Variants in NSMCE2 observed in about 807,000 individuals in gnomAD.
NSMCE2 encodes the protein NSE2 SUMO ligase component of SMC5/6 complex, also known as E3 SUMO-protein ligase NSE2.
NSMCE2 carries 24 observed loss-of-function variants against 23.8 expected under a neutral mutation model. The ratio of observed to expected loss-of-function variants is 1.01; its 90% confidence interval spans 0.73 to 1.42. NSMCE2 has a LOEUF of 1.42. NSMCE2 is among the 40% of genes most tolerant of loss of function. NSMCE2 has a pLI of 0.00. For missense variants in NSMCE2, 284 were observed against 296.5 expected (o/e 0.96, Z 0.31); for synonymous variants, 92 against 94.1 (o/e 0.98, Z 0.13).
chr8:125,341,226 A>C (rs1276994937), intron 5 of NSMCE2, among the ~76,000 whole-genome samples: 1 of 152,224 alleles, frequency 6.6e-6, no homozygotes, highest in Non-Finnish European at 1.5e-5. Flanking sequence ...TACCTACTGC[A>C]AGACCCAGAT....
chr8:125,144,051 G>A (rs1258492387), intron 3 of NSMCE2, among the ~76,000 whole-genome samples: 1 of 152,182 alleles, frequency 6.6e-6, no homozygotes, highest in Non-Finnish European at 1.5e-5. Context: ...GGAAAAGAGG[G>A]GGGGAAAGTC....
At chr8:125,169,661 C>T (rs1257681598) in intron 4 of NSMCE2, among the ~76,000 whole-genome samples, 1 of 152,176 alleles carries the variant, frequency 6.6e-6, no homozygotes, top group African/African-American at 2.4e-5. Flanking sequence ...ACACTGGCTG[C>T]ACACAGTTGC....
intron 5 of NSMCE2, among the ~76,000 whole-genome samples, chr8:125,189,805 A>G (rs1823263758): frequency 6.6e-6 from 1 of 152,198 alleles, no homozygotes; most frequent in African/African-American, 2.4e-5. Flanking sequence ...TGTGTATATA[A>G]CCCTTTACAA....
chr8:125,112,723 T>C (rs1010458181), intron 3 of NSMCE2, among the ~76,000 whole-genome samples: 1 of 152,130 alleles, frequency 6.6e-6, no homozygotes, highest in Non-Finnish European at 1.5e-5. Flanking sequence ...AGAATGATGG[T>C]TACCAAGGGA....
chr8:125,309,682 G>A (rs1276199187), intron 5 of NSMCE2, among the ~76,000 whole-genome samples: 3 of 152,004 alleles, frequency 2.0e-5, no homozygotes, highest in African/African-American at 7.3e-5. Context: ...CTATGATCAC[G>A]CCAGTGCACT....
At chr8:125,123,935 A>C (rs563201135) in intron 3 of NSMCE2, among the ~76,000 whole-genome samples, 1 of 152,282 alleles carries the variant, frequency 6.6e-6, no homozygotes, top group South Asian at 2.1e-4. Flanking sequence ...TAAAATGTAC[A>C]ATTTTGTGGT....
At chr8:125,320,233 A>AGGGAAGGAAGGG (rs1280474045) in intron 5 of NSMCE2, among the ~76,000 whole-genome samples, 1 of 20,418 alleles carries the variant, frequency 4.9e-5, no homozygotes, top group African/African-American at 1.2e-4. Context: ...GGAGGGAGGG[A>AGGGAAGGAAGGG]AGGGAGGGAG....
intron 5 of NSMCE2, among the ~76,000 whole-genome samples, chr8:125,300,062 A>C (rs567638235): frequency 4.0e-5 from 6 of 150,160 alleles, no homozygotes; most frequent in Non-Finnish European, 5.9e-5. Flanking sequence ...CAGGTGATTC[A>C]TCTGCCTTGG....
At chr8:125,140,401 G>A (rs987623658) in intron 3 of NSMCE2, among the ~76,000 whole-genome samples, 1 of 152,116 alleles carries the variant, frequency 6.6e-6, no homozygotes, top group Non-Finnish European at 1.5e-5. Flanking sequence ...AGTGGCTCAC[G>A]CCTGTAATCC....
At chr8:125,324,569 A>ATT (rs1292496751) in intron 5 of NSMCE2, among the ~76,000 whole-genome samples, 4 of 94,196 alleles carry the variant, frequency 4.2e-5, no homozygotes, top group Admixed American at 1.4e-4. Context: ...TTTTGATAAA[A>ATT]TTCTTTTTTT....
At chr8:125,157,955 T>TA (rs1467719126) in intron 4 of NSMCE2, among the ~76,000 whole-genome samples, 1 of 152,212 alleles carries the variant, frequency 6.6e-6, no homozygotes, top group Non-Finnish European at 1.5e-5. Flanking sequence ...AGAATTTCCT[T>TA]AAAGACTCCA....
At chr8:125,142,077 G>T (rs1820402132) in intron 3 of NSMCE2, among the ~76,000 whole-genome samples, 1 of 152,036 alleles carries the variant, frequency 6.6e-6, no homozygotes, top group South Asian at 2.1e-4. Flanking sequence ...GCTACCTTTT[G>T]GTTCCAAAGG....
At chr8:125,286,335 T>C (rs774800229) in intron 5 of NSMCE2, among the ~76,000 whole-genome samples, 7 of 148,344 alleles carry the variant, frequency 4.7e-5, no homozygotes, top group Non-Finnish European at 8.9e-5. Flanking sequence ...TTTTTTGAGA[T>C]GGAGTCTCGC....
intron 3 of NSMCE2, among the ~76,000 whole-genome samples, chr8:125,110,130 A>G (rs1293954599): frequency 6.6e-6 from 1 of 151,146 alleles, no homozygotes. Context: ...GATGTAAACT[A>G]CATCTTTGTA....
At chr8:125,335,286 C>A (rs1188526387) in intron 5 of NSMCE2, among the ~76,000 whole-genome samples, 1 of 152,172 alleles carries the variant, frequency 6.6e-6, no homozygotes, top group Non-Finnish European at 1.5e-5. Flanking sequence ...GATTATGTGC[C>A]AAGCCCCATG....
intron 4 of NSMCE2, among the ~76,000 whole-genome samples, chr8:125,160,711 A>G (rs1435662413): frequency 3.3e-5 from 5 of 152,234 alleles, no homozygotes; most frequent in African/African-American, 1.2e-4. Flanking sequence ...GACAACAAGT[A>G]AACATTCACA....
At chr8:125,266,014 C>T (rs1826895536) in intron 5 of NSMCE2, among the ~76,000 whole-genome samples, 1 of 151,410 alleles carries the variant, frequency 6.6e-6, no homozygotes, top group African/African-American at 2.4e-5. Flanking sequence ...TTACTTAGAA[C>T]AAAATCCTGT....
chr8:125,101,081 A>T (rs1490764116), intron 1 of NSMCE2, among the ~76,000 whole-genome samples: 1 of 152,250 alleles, frequency 6.6e-6, no homozygotes, highest in East Asian at 1.9e-4. Context: ...GTAAACAAAC[A>T]CTTCAAATTA....
intron 5 of NSMCE2, among the ~76,000 whole-genome samples, chr8:125,287,974 A>G (rs1243037791): frequency 6.6e-6 from 1 of 152,018 alleles, no homozygotes; most frequent in Non-Finnish European, 1.5e-5. Context: ...CTACACCTAA[A>G]TATAACTTTT....
Sources: gnomAD v4.1 joint callset for allele counts (sites outside exome capture counted in the v4.1 genomes callset) on GRCh38, gnomAD v4.1.1 for gene constraint, MANE v1.5 for transcripts, NCBI Gene and HGNC (gene_info 2026-07-23, HGNC 2026-07-21) for gene names.